NUP205: variants seen among roughly 807,000 people sequenced by gnomAD.
NUP205 encodes the protein nuclear pore complex protein Nup205.
In NUP205, 76 loss-of-function variants were observed where a neutral mutation model predicts 253.8. The observed-to-expected ratio is 0.30, with a 90% CI of 0.25 to 0.36. NUP205 has a LOEUF of 0.36. NUP205 is among the 10% of genes least tolerant of loss of function. The pLI is 1.00. For missense variants in NUP205, 2,162 were observed against 2,425.5 expected (o/e 0.89, Z 2.28); for synonymous variants, 832 against 850.1 (o/e 0.98, Z 0.37).
intron 22 of NUP205, among the ~76,000 whole-genome samples, chr7:135,613,444 G>T (rs1279603181): frequency 2.6e-5 from 4 of 151,236 alleles, no homozygotes; most frequent in African/African-American, 9.7e-5. Context: ...TTTAGTTTTG[G>T]TAATTTTAAT....
rs777294244 is a variant in NUP205, at chr7:135,616,681, A to G, written c.3487A>G (p.Asn1163Asp). 3 of 1,571,202 alleles carry G rather than the reference A, an allele frequency of 1.9e-6. No individual in the cohort carries two copies. Among genetic ancestry groups the G allele is most frequent in the South Asian group, 2.4e-5 (2 of 82,918 alleles). ...SDGEGGIEDENRSVSGFLHFD... is the reference protein window; with the variant it reads ...SDGEGGIEDEDRSVSGFLHFD... The stretch of plus-strand genomic sequence containing the variant: ...TGGTGAAGGAGGAATAGAAGATGAA[A>G]ACAGGTCTGTTTCTGGGTTCCTTCA... Residue 1163 changes from asparagine to aspartate, a missense_variant, in exon 25 of 43, where the codon AAC (asparagine) becomes GAC (aspartate). By Grantham distance (23) the Asn-to-Asp change is conservative. Around this residue, in one of 5 missense-constraint regions of NUP205, gnomAD observed 1,144 missense variants for 1,280.9 expected, o/e 0.89. Transcript: ENST00000285968.
chr7:135,641,711 G>A (rs1794918315), intron 38 of NUP205, among the ~76,000 whole-genome samples: 1 of 151,754 alleles, frequency 6.6e-6, no homozygotes, highest in Non-Finnish European at 1.5e-5. Context: ...GGTTGAGGTG[G>A]ATCACCTGAG....
rs1225181387 is a variant in NUP205 at position 135,607,463 on chromosome 7, C to T, written c.3195+92C>T. 2.0e-5 allele frequency: 27 copies of T among 1,370,516 alleles called. No homozygotes were observed. The Admixed American group carries it at 6.6e-4, about 34-fold the overall frequency. 84.9% of individuals were successfully genotyped at this position (1,370,516 alleles called of 1,614,324 possible). On this transcript the variant is annotated intron_variant, in intron 22 of 42. Coordinates refer to ENST00000285968, the MANE Select transcript of NUP205 (RefSeq NM_015135.3). ...CAGATATGACAGTATAACAGCAGGA[C>T]TTAGTTGAAATGAGTTCATTTAGCA...
intron 22 of NUP205, among the ~76,000 whole-genome samples, chr7:135,608,571 G>C (rs1338008974): frequency 4.6e-5 from 7 of 151,938 alleles, no homozygotes; most frequent in African/African-American, 1.7e-4. Context: ...AGCTGGGCGT[G>C]GTGGCACGTG....
intron 10 of NUP205, among the ~76,000 whole-genome samples, chr7:135,589,166 A>T (rs1806554065): frequency 7.0e-6 from 1 of 142,044 alleles, no homozygotes; most frequent in African/African-American, 2.7e-5. Flanking sequence ...TGAGACCCTG[A>T]CTCTTTAAAA....
At chr7:135,611,049 T>A (rs60870342) in intron 22 of NUP205, among the ~76,000 whole-genome samples, 5,057 of 151,192 alleles carry the variant, frequency 0.033, 114 homozygotes, top group Middle Eastern at 0.1. Flanking sequence ...TCTGTCGCCT[T>A]GCCTGGAGTG....
intron 36 of NUP205, among the ~76,000 whole-genome samples, chr7:135,637,654 A>G (rs1273108477): frequency 2.0e-5 from 3 of 152,238 alleles, no homozygotes; most frequent in African/African-American, 7.2e-5. Context: ...CTACTTTGAT[A>G]TAATGCAGAA....
intron 1 of NUP205, among the ~76,000 whole-genome samples, chr7:135,566,059 A>C (rs1446124722): frequency 6.6e-6 from 1 of 152,170 alleles, no homozygotes; most frequent in East Asian, 1.9e-4. Context: ...TTCAGAAAAG[A>C]CAGATACATA....
intron 30 of NUP205, among the ~76,000 whole-genome samples, chr7:135,621,030 TAAG>T (rs1003900284): frequency 3.9e-5 from 6 of 152,248 alleles, no homozygotes; most frequent in East Asian, 1.9e-4. Flanking sequence ...TGCCATTTGT[TAAG>T]AAGTTGTCAG....
chr7:135,576,005 G>C lies in NUP205; in HGVS notation c.344-265G>C, dbSNP rs1482232630. 3.3e-5 allele frequency among the ~76,000 whole-genome samples: 5 copies of C among 152,298 alleles called. No homozygotes were observed. The East Asian group carries it at 9.6e-4, about 29-fold the overall frequency. Reference sequence around the variant, plus strand: ...TCTCACCCAGTATGTAGAAATCACAGGTAAGTGTGAGAGTTAGAAATTGAG... The same window carrying C: ...TCTCACCCAGTATGTAGAAATCACACGTAAGTGTGAGAGTTAGAAATTGAG... On this transcript the variant is annotated intron_variant, in intron 3 of 42. Coordinates refer to ENST00000285968, the MANE Select transcript of NUP205 (RefSeq NM_015135.3).
At chr7:135,575,642 A>G (rs1806131475) in intron 3 of NUP205, among the ~76,000 whole-genome samples, 1 of 152,148 alleles carries the variant, frequency 6.6e-6, no homozygotes, top group African/African-American at 2.4e-5. Flanking sequence ...TAAAAATACA[A>G]AAATTAGCTG....
intron 22 of NUP205, among the ~76,000 whole-genome samples, chr7:135,607,980 T>A (rs1296328775): frequency 2.0e-5 from 3 of 151,632 alleles, no homozygotes; most frequent in Non-Finnish European, 4.4e-5. Context: ...TTTTGTAGTT[T>A]TAGTAGAGAT....
Position 135,643,229 on chromosome 7 carries a change from T to C in NUP205, c.5430T>C (p.Pro1810=). Residue 1810 remains proline, a synonymous_variant, in exon 39 of 43, where the codon CCT becomes CCC. Transcript: ENST00000285968. The stretch of plus-strand genomic sequence containing the variant: ...CAGTGGTTCCATACTGGCGCCTGCC[T>C]GGTTTAGGCATTATCATCTACCTGC... ...QAPVVPYWRL[P]GLGIIIYLLK... 11 of 1,614,144 alleles carry C rather than the reference T, an allele frequency of 6.8e-6. No individual in the cohort carries two copies. The highest frequency in any genetic ancestry group is 9.3e-6 in the Non-Finnish European group (11 of 1,180,012).
At chr7:135,633,296 T>C (rs1247687807) in intron 35 of NUP205, among the ~76,000 whole-genome samples, 2 of 152,080 alleles carry the variant, frequency 1.3e-5, no homozygotes, top group African/African-American at 4.8e-5. Context: ...GGTCTTACTC[T>C]GTCACCCAGG....
Position 135,645,051 on chromosome 7 carries a change from GACCTTGAAATATAGGAACTGTTCA to G in NUP205, c.5683+34_5683+57del, listed in dbSNP as rs1184106172. On this transcript the variant is annotated intron_variant, in intron 40 of 42. Transcript: ENST00000285968. ...TTATGAAATCATGCACTTGAATGATGACCTTGAAATATAGGAACTGTTCACTTATTCTCATATTATTTGGGCACC... is the reference window on the plus strand; with the variant it reads ...TTATGAAATCATGCACTTGAATGATGCTTATTCTCATATTATTTGGGCACC... The G allele has an allele frequency of 1.9e-6, 3 of 1,610,918 alleles. No individual in the cohort carries two copies. In the East Asian group the frequency reaches 6.7e-5, roughly 36 times the overall value.
chr7:135,625,198 C>G lies in NUP205; in HGVS notation c.4514C>G (p.Ser1505Cys). 1 of 1,613,766 alleles carries G rather than the reference C, an allele frequency of 6.2e-7. No individual in the cohort carries two copies. Residue 1505 changes from serine (S) to cysteine (C), a missense_variant, in exon 32 of 43, where the codon TCC (serine) becomes TGC (cysteine). Transcript: ENST00000285968. ...LALALLDRIV[S>C]VDKQQQWLLY... ...CTGGCTCTACTTGATAGAATTGTCTCCGTGGATAAACAGCAGCAGTGGCTT... is the reference window on the plus strand; with the variant it reads ...CTGGCTCTACTTGATAGAATTGTCTGCGTGGATAAACAGCAGCAGTGGCTT...
chr7:135,599,610 A>G (rs1793922449), intron 15 of NUP205, among the ~76,000 whole-genome samples: 1 of 151,466 alleles, frequency 6.6e-6, no homozygotes, highest in South Asian at 2.1e-4. Flanking sequence ...GCTTTTTCTT[A>G]AAAAGGTCAT....
rs536970647 is a variant in NUP205, at chr7:135,626,124, G to T, written c.4672-116G>T. 3.2e-6 allele frequency: 4 copies of T among 1,260,850 alleles called. No homozygotes were observed. The South Asian group carries it at 4.1e-5, about 13-fold the overall frequency. 78.1% of individuals were successfully genotyped at this position (1,260,850 alleles called of 1,614,324 possible). On this transcript the variant is annotated intron_variant, in intron 32 of 42. Transcript: ENST00000285968. ...TATAATGTAACCTGTCACTAGCCCA[G>T]ATTTCTCTTCAGTGATAACTAAGGA... is the stretch of plus-strand genomic sequence containing the variant.
rs1584696323 is a variant in NUP205, at chr7:135,645,557, T to C, written c.5773T>C (p.Phe1925Leu). Residue 1925 changes from phenylalanine to leucine, a missense_variant, in exon 41 of 43, where the codon TTT (phenylalanine) becomes CTT (leucine). Phe to Leu is a conservative substitution (Grantham distance 22). Transcript: ENST00000285968. ...GCCCACGGATTCTCAAGATTCCTTA[T>C]TTGCCTCGAGAACCTTGTTTAAAAG... ...CMPTDSQDSL[F>L]ASRTLFKSRR... is the part of the protein sequence containing the mutation. The C allele has an allele frequency of 6.2e-7, 1 of 1,614,156 alleles. No homozygotes were observed.
Sources: gnomAD v4.1 joint callset for allele counts (sites outside exome capture counted in the v4.1 genomes callset) on GRCh38, gnomAD v4.1.1 for gene constraint, gnomAD v4.1.1 regional missense constraint, MANE v1.5 for transcripts, NCBI Gene and HGNC (gene_info 2026-07-23, HGNC 2026-07-21) for gene names.